Variants in CA10 observed in about 807,000 individuals in gnomAD.
CA10 encodes the protein carbonic anhydrase-related protein 10.
Under a neutral mutation model 44.2 loss-of-function variants are expected in CA10, and 14 were observed. That is an observed-to-expected ratio of 0.32 (90% CI 0.21 to 0.50). CA10 has a LOEUF of 0.50. Ranked by LOEUF, CA10 falls within the 20% of genes least tolerant of loss-of-function variation. The pLI is 0.99. For synonymous variants in CA10, 159 were observed against 141.6 expected (o/e 1.12, Z -0.87); for missense variants, 350 against 409.7 (o/e 0.85, Z 1.26).
chr17:51,703,798 A>G (rs1181860934), intron 4 of CA10, among the ~76,000 whole-genome samples: 1 of 152,230 alleles, frequency 6.6e-6, no homozygotes, highest in Non-Finnish European at 1.5e-5. Flanking sequence ...CAATTTGGAA[A>G]GTTAGCAAGC....
At chr17:51,882,682 C>T (rs1463382160) in intron 3 of CA10, among the ~76,000 whole-genome samples, 1 of 152,114 alleles carries the variant, frequency 6.6e-6, no homozygotes, top group African/African-American at 2.4e-5. Context: ...GTGAGTGTGG[C>T]TCTCTGTGCT....
At chr17:51,661,912 C>G (rs1914022512) in intron 4 of CA10, 1 of 152,198 alleles carries the variant, frequency 6.6e-6, no homozygotes, top group Admixed American at 6.5e-5. Flanking sequence ...CACAACTACT[C>G]AATTCTGCTT....
chr17:52,041,330 A>C (rs2970057), intron 2 of CA10, among the ~76,000 whole-genome samples: 151,011 of 152,186 alleles, frequency 0.99, 74,937 homozygotes, highest in East Asian at 1. Flanking sequence ...ATACAATTAG[A>C]AGACAGAAAC....
intron 3 of CA10, among the ~76,000 whole-genome samples, chr17:51,805,178 T>C (rs1396312199): frequency 6.6e-6 from 1 of 151,132 alleles, no homozygotes; most frequent in African/African-American, 2.5e-5. Context: ...TTGGCAAGCA[T>C]GCCATGTTAA....
At chr17:51,914,865 C>T (rs180991380) in intron 3 of CA10, among the ~76,000 whole-genome samples, 22 of 152,292 alleles carry the variant, frequency 1.4e-4, no homozygotes, top group Admixed American at 7.2e-4. Flanking sequence ...AACAACTGCA[C>T]ATTTCAGTTT....
In CA10 at chr17:51,766,308, C is replaced by G. The variant is rs144211562; in HGVS notation, c.280-18490G>C. On this transcript the variant is annotated intron_variant, in intron 3 of 8. Coordinates refer to ENST00000451037, the MANE Select transcript of CA10 (RefSeq NM_020178.5). ...TAGAAGTGGATGAAAATGAATTCCA[C>G]AAGTCTCCATGTGAGAGCTGATGAA... is the stretch of plus-strand genomic sequence containing the variant. Among the ~76,000 whole-genome samples the G allele has an allele frequency of 1.9e-3, 283 of 152,306 alleles. 1 individual carries two copies. The highest frequency in any genetic ancestry group is 6.7e-3 in the African/African-American group (277 of 41,556).
intron 3 of CA10, among the ~76,000 whole-genome samples, chr17:51,857,392 C>A (rs1437779878): frequency 6.6e-6 from 1 of 152,196 alleles, no homozygotes; most frequent in East Asian, 1.9e-4. Context: ...CCTACCACCA[C>A]ATGCTACTGA....
intron 4 of CA10, among the ~76,000 whole-genome samples, chr17:51,686,504 G>T (rs1345284233): frequency 6.6e-6 from 1 of 151,962 alleles, no homozygotes; most frequent in Admixed American, 6.6e-5. Context: ...AGATCTCTTA[G>T]TCAGTGGTCT....
At chr17:51,956,052 C>T (rs1983655090) in intron 2 of CA10, among the ~76,000 whole-genome samples, 1 of 151,972 alleles carries the variant, frequency 6.6e-6, no homozygotes, top group Non-Finnish European at 1.5e-5. Context: ...TAGACAGTTC[C>T]CCACCTAATA....
chr17:51,970,863 G>A (rs964726133), intron 2 of CA10, among the ~76,000 whole-genome samples: 54 of 151,840 alleles, frequency 3.6e-4, no homozygotes, highest in Admixed American at 2.8e-3. Context: ...AAGAAGAATC[G>A]GCAATAATAA....
chr17:51,945,017 C>T (rs1335912090), intron 2 of CA10, among the ~76,000 whole-genome samples: 1 of 152,098 alleles, frequency 6.6e-6, no homozygotes, highest in African/African-American at 2.4e-5. Context: ...GTACACCCTC[C>T]CCTTGTAGGA....
chr17:51,846,017 C>T (rs1054426360), intron 3 of CA10, among the ~76,000 whole-genome samples: 20 of 152,198 alleles, frequency 1.3e-4, no homozygotes, highest in African/African-American at 3.1e-4. Context: ...CCTGATCCCT[C>T]GAGAGCCCAG....
At chr17:51,904,806 G>A (rs888169835) in intron 3 of CA10, among the ~76,000 whole-genome samples, 1 of 152,022 alleles carries the variant, frequency 6.6e-6, no homozygotes, top group Admixed American at 6.6e-5. Flanking sequence ...GCCTATCGGA[G>A]GCAATGCATG....
At chr17:51,658,493 G>A (rs917614094) in intron 4 of CA10, among the ~76,000 whole-genome samples, 5 of 152,206 alleles carry the variant, frequency 3.3e-5, no homozygotes, top group Non-Finnish European at 7.3e-5. Flanking sequence ...GCTAACATTT[G>A]AGCTGAATCC....
chr17:51,790,732 G>A (rs1906487462), intron 3 of CA10, among the ~76,000 whole-genome samples: 1 of 152,192 alleles, frequency 6.6e-6, no homozygotes. Context: ...GACAAGGTAA[G>A]ATGAGTAGGT....
chr17:51,686,582 T>C (rs1915018401), intron 4 of CA10, among the ~76,000 whole-genome samples: 2 of 152,154 alleles, frequency 1.3e-5, no homozygotes, highest in African/African-American at 4.8e-5. Context: ...ACACCCTAGA[T>C]GAATGAAGTC....
At chr17:52,113,309 A>G (rs1866964833) in intron 1 of CA10, among the ~76,000 whole-genome samples, 1 of 152,210 alleles carries the variant, frequency 6.6e-6, no homozygotes, top group African/African-American at 2.4e-5. Flanking sequence ...AGATGAATAA[A>G]TAGATTACAC....
chr17:52,102,020 A>G lies in CA10; in HGVS notation c.62-29627T>C, dbSNP rs1988551550. On this transcript the variant is annotated intron_variant, in intron 1 of 8. Coordinates refer to ENST00000451037, the MANE Select transcript of CA10 (RefSeq NM_020178.5). ...TTTTGGAGTGCATATTGTTTCCACTAAAATTTAAAATCCACAGACATTGTT... is the reference window on the plus strand; with the variant it reads ...TTTTGGAGTGCATATTGTTTCCACTGAAATTTAAAATCCACAGACATTGTT... 3.9e-5 allele frequency among the ~76,000 whole-genome samples: 6 copies of G among 152,108 alleles called. No homozygotes were observed. The South Asian group carries it at 1.2e-3, about 32-fold the overall frequency.
intron 3 of CA10, among the ~76,000 whole-genome samples, chr17:51,835,522 T>C (rs1908445307): frequency 6.6e-6 from 1 of 152,200 alleles, no homozygotes; most frequent in Non-Finnish European, 1.5e-5. Flanking sequence ...GAGTTCAGTA[T>C]AGGCACTGAA....
Sources: allele counts gnomAD v4.1 joint callset (sites outside exome capture counted in the v4.1 genomes callset), GRCh38; gene constraint gnomAD v4.1.1; transcripts MANE v1.5; gene names NCBI Gene and HGNC (gene_info 2026-07-23, HGNC 2026-07-21).